Variants in SRBD1 observed in about 807,000 individuals in gnomAD.
The protein encoded by SRBD1 is S1 RNA-binding domain-containing protein 1.
In SRBD1, 88 loss-of-function variants were observed where a neutral mutation model predicts 115.3. The observed-to-expected ratio is 0.76, with a 90% CI of 0.64 to 0.91. The LOEUF (loss-of-function observed/expected upper bound fraction) is 0.91, where lower values mean the gene tolerates loss of function less well. Ranked by LOEUF, SRBD1 falls within the 40% of genes least tolerant of loss-of-function variation. The pLI is 0.00. For synonymous variants in SRBD1, 509 were observed against 407.7 expected, an observed-to-expected ratio of 1.25 and a Z score of -2.99; for missense variants, 1,385 against 1,177.4, an observed-to-expected ratio of 1.18 and a Z score of -2.58.
At chr2:45,544,767 A>G (rs145699853) in intron 14 of SRBD1, among the ~76,000 whole-genome samples, 217 of 152,350 alleles carry the variant, frequency 1.4e-3, no homozygotes, top group African/African-American at 5.0e-3. Context: ...TATAATTTAT[A>G]TTTATAATAA....
In SRBD1 at chr2:45,579,414, G is replaced by A. The variant is rs568969807; in HGVS notation, c.1072+461C>T. ...AGTAAACAAATTTTCAGAAATAAAAGCTGTAACAGACAATATAGGAGAATC... is the reference window on the plus strand; with the variant it reads ...AGTAAACAAATTTTCAGAAATAAAAACTGTAACAGACAATATAGGAGAATC... On this transcript the variant is annotated intron_variant, in intron 7 of 20. Transcript: ENST00000263736. Among the ~76,000 whole-genome samples the A allele has an allele frequency of 5.3e-4, 81 of 152,198 alleles. 2 individuals are homozygous for A. In the South Asian group the frequency reaches 0.017, roughly 32 times the overall value.
chr2:45,413,173 C>G lies in SRBD1; in HGVS notation c.2454G>C (p.Leu818=). 2 of 1,614,102 alleles carry G rather than the reference C, an allele frequency of 1.2e-6. No homozygotes were observed. Among genetic ancestry groups the G allele is most frequent in the Non-Finnish European group, 1.7e-6 (2 of 1,179,978 alleles). ...KKSKTAVNVL[L]KPNPLDQTCI... ...AAGTTTGGTCCAAAGGATTTGGCTTCAGTAAAACATTCACTGCAGTTTTGC... is the reference window on the plus strand; with the variant it reads ...AAGTTTGGTCCAAAGGATTTGGCTTGAGTAAAACATTCACTGCAGTTTTGC... The change falls in exon 19 of 21, where the codon CTG becomes CTC. Residue 818 remains leucine, a synonymous_variant. Coordinates refer to ENST00000263736, the MANE Select transcript of SRBD1 (RefSeq NM_018079.5).
chr2:45,496,527 G>A (rs374551816), intron 14 of SRBD1, among the ~76,000 whole-genome samples: 21 of 152,020 alleles, frequency 1.4e-4, no homozygotes, highest in African/African-American at 3.6e-4. Flanking sequence ...ATACTTTGCC[G>A]GCAACAAACA....
intron 14 of SRBD1, among the ~76,000 whole-genome samples, chr2:45,503,481 C>T (rs1015831480): frequency 6.6e-6 from 1 of 152,088 alleles, no homozygotes; most frequent in Non-Finnish European, 1.5e-5. Context: ...TTATAGAGAA[C>T]AAGCATATTA....
chr2:45,485,591 G>A (rs539388231), intron 15 of SRBD1, among the ~76,000 whole-genome samples: 1 of 152,264 alleles, frequency 6.6e-6, no homozygotes, highest in African/African-American at 2.4e-5. Flanking sequence ...GGGAATATAA[G>A]CATATATATA....
At chr2:45,502,640 T>G (rs1572708969) in intron 14 of SRBD1, among the ~76,000 whole-genome samples, 2 of 151,172 alleles carry the variant, frequency 1.3e-5, no homozygotes, top group African/African-American at 2.4e-5. Context: ...ATGAGAACAC[T>G]TGGACACGGG....
chr2:45,606,012 C>T (rs1406918297), intron 1 of SRBD1, among the ~76,000 whole-genome samples: 2 of 151,596 alleles, frequency 1.3e-5, no homozygotes, highest in African/African-American at 4.8e-5. Context: ...TACAGGGTGA[C>T]ACCTGTAGGA....
At chr2:45,393,413 C>A (rs1384869015) in intron 19 of SRBD1, among the ~76,000 whole-genome samples, 1 of 152,204 alleles carries the variant, frequency 6.6e-6, no homozygotes, top group Non-Finnish European at 1.5e-5. Context: ...GACAGTCTTG[C>A]ACTGTCACCT....
intron 14 of SRBD1, among the ~76,000 whole-genome samples, chr2:45,521,635 T>C (rs1671286018): frequency 6.6e-6 from 1 of 152,146 alleles, no homozygotes; most frequent in Non-Finnish European, 1.5e-5. Context: ...TGATTGTATA[T>C]TTACACTCCT....
chr2:45,604,832 A>G (rs112623993), intron 2 of SRBD1, among the ~76,000 whole-genome samples: 3 of 152,192 alleles, frequency 2.0e-5, no homozygotes, highest in African/African-American at 7.2e-5. Flanking sequence ...AAATATTACC[A>G]GTCATTTACT....
At chr2:45,588,198 T>C (rs1391115583) in intron 4 of SRBD1, among the ~76,000 whole-genome samples, 1 of 152,226 alleles carries the variant, frequency 6.6e-6, no homozygotes, top group Admixed American at 6.5e-5. Context: ...ATACTGGATG[T>C]TGACCTGTCA....
At chr2:45,492,588 G>A (rs1286800314) in intron 14 of SRBD1, among the ~76,000 whole-genome samples, 4 of 152,004 alleles carry the variant, frequency 2.6e-5, no homozygotes, top group East Asian at 3.9e-4. Context: ...ACAGGCGCCC[G>A]CCACCACACC....
chr2:45,553,657 G>A lies in SRBD1; in HGVS notation c.1483C>T (p.Arg495Cys), dbSNP rs778548032. The change falls in exon 11 of 21, where the codon CGC (arginine) becomes TGC (cysteine). Residue 495 changes from arginine (R) to cysteine (C), a missense_variant. Physicochemically the swap from Arg to Cys is radical, Grantham distance 180 (BLOSUM62 -3). Coordinates refer to ENST00000263736, the MANE Select transcript of SRBD1 (RefSeq NM_018079.5). ...LYNSLNDSFK[R>C]LIYPLLCREF... ...CTACAGAGAAGAGGATAAATAAGGC[G>A]TTTAAAGGAATCATTCAGTGAATTA... The A allele has an allele frequency of 1.1e-5, 18 of 1,605,608 alleles. No homozygotes were observed. Among genetic ancestry groups the A allele is most frequent in the Admixed American group, 1.7e-5 (1 of 58,344 alleles).
chr2:45,439,800 A>AG (rs1257705967), intron 16 of SRBD1, among the ~76,000 whole-genome samples: 1 of 152,096 alleles, frequency 6.6e-6, no homozygotes, highest in African/African-American at 2.4e-5. Context: ...CCGAAAAAAA[A>AG]AAAGAACCAT....
chr2:45,411,744 A>G (rs1440089598), intron 19 of SRBD1, among the ~76,000 whole-genome samples: 1 of 152,214 alleles, frequency 6.6e-6, no homozygotes, highest in Admixed American at 6.5e-5. Flanking sequence ...ATTGTAGTTA[A>G]TTATATGAAT....
chr2:45,399,708 T>C (rs1317184726), intron 19 of SRBD1, among the ~76,000 whole-genome samples: 1 of 152,138 alleles, frequency 6.6e-6, no homozygotes, highest in African/African-American at 2.4e-5. Context: ...TTTCTTACTA[T>C]TTTTTAAACC....
chr2:45,528,959 C>A (rs1000832318), intron 14 of SRBD1, among the ~76,000 whole-genome samples: 6 of 151,892 alleles, frequency 4.0e-5, no homozygotes, highest in Non-Finnish European at 7.4e-5. Flanking sequence ...TTTGACTCTA[C>A]CATGCCAAGC....
chr2:45,587,379 C>G (rs541612139), intron 4 of SRBD1, among the ~76,000 whole-genome samples: 1 of 151,104 alleles, frequency 6.6e-6, no homozygotes, highest in Non-Finnish European at 1.5e-5. Context: ...TACAGTTAAA[C>G]AGAAAAGTTT....
chr2:45,488,143 T>A (rs1415464477), intron 15 of SRBD1, 97 bp downstream of exon 15: 1 of 1,037,532 alleles, frequency 9.6e-7, no homozygotes, highest in East Asian at 2.5e-5. Flanking sequence ...TAGTATAACT[T>A]TTAAATTTTC....
Sources: allele counts gnomAD v4.1 joint callset (sites outside exome capture counted in the v4.1 genomes callset), GRCh38; gene constraint gnomAD v4.1.1; transcripts MANE v1.5; gene names NCBI Gene and HGNC (gene_info 2026-07-23, HGNC 2026-07-21).